Variants in SLC12A3 observed in about 807,000 individuals in gnomAD.
SLC12A3 encodes the protein Na-Cl cotransporter.
In SLC12A3, 104 loss-of-function variants were observed where a neutral mutation model predicts 121.0. The observed-to-expected ratio is 0.86, with a 90% CI of 0.73 to 1.01. The LOEUF (loss-of-function observed/expected upper bound fraction) is 1.01, where lower values mean the gene tolerates loss of function less well. Ranked by LOEUF, SLC12A3 falls within the 50% of genes least tolerant of loss-of-function variation. The pLI, the probability that SLC12A3 is intolerant of heterozygous loss-of-function variation, is 0.00. For synonymous variants in SLC12A3, 536 were observed against 533.4 expected (o/e 1.00, Z -0.07); for missense variants, 1,328 against 1,356.3 (o/e 0.98, Z 0.33).
rs13332270 is a variant in SLC12A3, at chr16:56,871,715, A to G, written c.853-636A>G. Among the ~76,000 whole-genome samples the G allele has an allele frequency of 2.7e-5, 4 of 148,680 alleles. No individual in the cohort carries two copies. In the South Asian group the frequency reaches 8.4e-4, roughly 31 times the overall value. ...GTCCCCATCACACTCCCTCTTCTTTATTTATTTATTTATTTATTTATTTTT... is the reference window on the plus strand; with the variant it reads ...GTCCCCATCACACTCCCTCTTCTTTGTTTATTTATTTATTTATTTATTTTT... On this transcript the variant is annotated intron_variant, in intron 6 of 25. Transcript: ENST00000563236.
At chr16:56,877,943 G>T in intron 8 of SLC12A3, 134 bp from the exon 9 acceptor site, 1 of 630,136 alleles carries the variant, frequency 1.6e-6, no homozygotes. Context: ...CAAGGTCAGA[G>T]GTTGCTGCCC....
intron 9 of SLC12A3, 44 bp downstream of exon 9, chr16:56,878,205 C>T (rs2055191820): frequency 6.9e-7 from 1 of 1,442,718 alleles, no homozygotes. Flanking sequence ...GGGACCTGGC[C>T]TCCACCCTGC....
intron 22 of SLC12A3, among the ~76,000 whole-genome samples, chr16:56,899,189 A>G (rs2144758975): frequency 6.6e-6 from 1 of 152,324 alleles, no homozygotes; most frequent in East Asian, 1.9e-4. Flanking sequence ...GTAGGTGCTC[A>G]GTGAAAATTA....
intron 18 of SLC12A3, 92 bp downstream of exon 18, chr16:56,888,123 G>A: frequency 1.1e-6 from 1 of 912,562 alleles, no homozygotes; most frequent in East Asian, 2.7e-5. Flanking sequence ...TGCTTAAAAA[G>A]TTGAGTCCTG....
intron 22 of SLC12A3, 23 bp downstream of exon 22, chr16:56,894,665 G>A: frequency 6.4e-7 from 1 of 1,573,056 alleles, no homozygotes; most frequent in Non-Finnish European, 8.7e-7. Flanking sequence ...GGCTGGCCTG[G>A]GGGTGACTGC....
intron 13 of SLC12A3, among the ~76,000 whole-genome samples, chr16:56,883,279 C>CTTTTTTTTTT (rs71152216): frequency 3.3e-5 from 4 of 119,550 alleles, no homozygotes; most frequent in East Asian, 2.4e-4. Flanking sequence ...CTTTTTCTTT[C>CTTTTTTTTTT]TTTTTTTTTT....
chr16:56,872,768 C>T lies in SLC12A3; in HGVS notation c.1077C>T (p.Asn359=), dbSNP rs181865675. ...PSATGILAGA[N]ISGDLKDPAI... is the part of the protein sequence containing the mutation. Reference sequence around the variant, plus strand: ...CCACAGGCATCCTGGCAGGGGCCAACATATCTGGTGACCTCAAGGTGAGCA... The same window carrying T: ...CCACAGGCATCCTGGCAGGGGCCAATATATCTGGTGACCTCAAGGTGAGCA... The change falls in exon 8 of 26, where the codon AAC becomes AAT. Residue 359 remains asparagine (N), a synonymous_variant. Transcript: ENST00000563236. 1.2e-6 allele frequency: 2 copies of T among 1,614,252 alleles called. No homozygotes were observed. Among genetic ancestry groups the T allele is most frequent in the East Asian group, 2.2e-5 (1 of 44,886 alleles).
Position 56,868,386 on chromosome 16 carries a change from T to C in SLC12A3, c.505+14T>C. 6.2e-7 allele frequency: 1 copy of C among 1,608,686 alleles called. No homozygotes were observed. ...AGGCAGGCATCGGTGAGTGCCCCTC[T>C]GGGGAAGAGGAGGGAGGGCTTGCCT... On this transcript the variant is annotated intron_variant, in intron 3 of 25. Transcript: ENST00000563236.
In SLC12A3 at chr16:56,872,403, T is replaced by C. The variant is rs2055109474; in HGVS notation, c.905T>C (p.Val302Ala). 3 of 1,614,134 alleles carry C rather than the reference T, an allele frequency of 1.9e-6. No homozygotes were observed. The highest frequency in any genetic ancestry group is 2.5e-6 in the Non-Finnish European group (3 of 1,180,042). ...VIMVSFANYL[V>A]GTLIPPSEDK... is the part of the protein sequence containing the mutation. ...ATGGTCTCCTTTGCCAACTATTTAG[T>C]GGGGACGCTGATCCCCCCATCTGAG... is the stretch of plus-strand genomic sequence containing the variant. The change falls in exon 7 of 26, where the codon GTG (valine) becomes GCG (alanine). Residue 302 changes from valine (V) to alanine (A), a missense_variant. Val to Ala is a moderately conservative substitution (Grantham distance 64, BLOSUM62 0). Transcript: ENST00000563236.
chr16:56,876,248 G>A (rs1350140858), intron 8 of SLC12A3, among the ~76,000 whole-genome samples: 4 of 152,056 alleles, frequency 2.6e-5, no homozygotes, highest in South Asian at 2.1e-4. Flanking sequence ...ACCCTAATCC[G>A]GTATGACCTC....
intron 8 of SLC12A3, 152 bp downstream of exon 8, chr16:56,872,938 C>G: frequency 1.0e-6 from 1 of 976,608 alleles, no homozygotes; most frequent in Non-Finnish European, 1.6e-6. Context: ...TCAACCCAAT[C>G]CAACCGATTC....
In SLC12A3 at chr16:56,865,326, C is replaced by T. The variant is rs570454775; in HGVS notation, c.91C>T (p.Pro31Ser). ...TISTLLSSDE[P>S]SPPAAYDSSH... The stretch of plus-strand genomic sequence containing the variant: ...CAGCACACTGCTGAGCAGTGATGAG[C>T]CCTCTCCACCAGCTGCCTATGACAG... The change falls in exon 1 of 26, where the codon CCC (proline) becomes TCC (serine). Residue 31 changes from proline (P) to serine (S), a missense_variant. Physicochemically the swap from Pro to Ser is moderately conservative, Grantham distance 74 (BLOSUM62 -1). Coordinates refer to ENST00000563236, the MANE Select transcript of SLC12A3 (RefSeq NM_001126108.2). 3 of 1,614,050 alleles carry T rather than the reference C, an allele frequency of 1.9e-6. No individual in the cohort carries two copies. The highest frequency in any genetic ancestry group is 2.2e-5 in the South Asian group (2 of 91,090).
intron 25 of SLC12A3, among the ~76,000 whole-genome samples, chr16:56,913,052 T>C (rs2055707028): frequency 6.6e-6 from 1 of 151,866 alleles, no homozygotes; most frequent in Non-Finnish European, 1.5e-5. Context: ...CCATAGGGCT[T>C]GTGGGCCATG....
rs1232889107 is a variant in SLC12A3, at chr16:56,879,194, C to T, written c.1302C>T (p.His434=). The T allele has an allele frequency of 1.9e-6, 3 of 1,613,044 alleles. No homozygotes were observed. In the African/African-American group the frequency reaches 4.0e-5, roughly 22 times the overall value. Residue 434 remains histidine (H), a synonymous_variant, in exon 10 of 26, where the codon CAC becomes CAT. Coordinates refer to ENST00000563236, the MANE Select transcript of SLC12A3 (RefSeq NM_001126108.2). ...ACTTCACCGAGTGCACCCAGCAGCACAGCTGCCACTACGGCCTCATCAACT... is the reference window on the plus strand; with the variant it reads ...ACTTCACCGAGTGCACCCAGCAGCATAGCTGCCACTACGGCCTCATCAACT... ...GWNFTECTQQ[H]SCHYGLINYY...
chr16:56,910,649 T>C (rs2144786917), intron 25 of SLC12A3, among the ~76,000 whole-genome samples: 1 of 152,298 alleles, frequency 6.6e-6, no homozygotes, highest in East Asian at 1.9e-4. Flanking sequence ...CTCAAAACTC[T>C]ATTATAATCA....
At chr16:56,884,289 C>A (rs2144723950) in intron 14 of SLC12A3, 85 bp downstream of exon 14, 1 of 1,423,160 alleles carries the variant, frequency 7.0e-7, no homozygotes. Context: ...AGTTGGAGGG[C>A]CCTGAGTCCG....
chr16:56,899,679 C>T (rs1268157498), intron 23 of SLC12A3, 63 bp downstream of exon 23: 21 of 1,187,960 alleles, frequency 1.8e-5, no homozygotes, highest in Admixed American at 1.0e-4. Flanking sequence ...ACCCCTCTGC[C>T]GGCTGCCCCC....
chr16:56,877,512 G>A (rs1468643704), intron 8 of SLC12A3, among the ~76,000 whole-genome samples: 2 of 152,220 alleles, frequency 1.3e-5, no homozygotes, highest in East Asian at 3.8e-4. Context: ...TTATGGTTGA[G>A]GAACCAGACA....
intron 25 of SLC12A3, among the ~76,000 whole-genome samples, chr16:56,912,737 G>A (rs1441062427): frequency 6.6e-6 from 1 of 152,236 alleles, no homozygotes; most frequent in African/African-American, 2.4e-5. Flanking sequence ...AGAAGATGCT[G>A]TTGGGACTGT....
Sources: gnomAD v4.1 joint callset for allele counts (sites outside exome capture counted in the v4.1 genomes callset) on GRCh38, gnomAD v4.1.1 for gene constraint, MANE v1.5 for transcripts, NCBI Gene and HGNC (gene_info 2026-07-23, HGNC 2026-07-21) for gene names.